The following CAMKMT variants were observed in gnomAD, a reference collection of about 807,000 sequenced individuals.
CAMKMT encodes calmodulin-lysine N-methyltransferase, also known as CaM KMT.
In CAMKMT, 53 loss-of-function variants were observed where a neutral mutation model predicts 48.0. The observed-to-expected ratio is 1.10, with a 90% CI of 0.89 to 1.39. The LOEUF (loss-of-function observed/expected upper bound fraction) is 1.39, where lower values mean the gene tolerates loss of function less well. Ranked by LOEUF, CAMKMT falls within the 40% of genes most tolerant of loss-of-function variation. The pLI is 0.00. For missense variants in CAMKMT, 428 were observed against 402.7 expected, an observed-to-expected ratio of 1.06 and a Z score of -0.54; for synonymous variants, 165 against 152.3, an observed-to-expected ratio of 1.08 and a Z score of -0.61.
At chr2:44,617,704 G>A (rs1671967291) in intron 3 of CAMKMT, among the ~76,000 whole-genome samples, 1 of 152,242 alleles carries the variant, frequency 6.6e-6, no homozygotes, top group Admixed American at 6.5e-5. Context: ...CCTGATTTAT[G>A]TGAGTGAGGA....
At chr2:44,373,242 T>A (rs1253925005) in intron 2 of CAMKMT, among the ~76,000 whole-genome samples, 1 of 152,216 alleles carries the variant, frequency 6.6e-6, no homozygotes, top group African/African-American at 2.4e-5. Flanking sequence ...CAAACTACCC[T>A]TCAAGTAATA....
At chr2:44,401,017 T>C (rs1023624398) in intron 3 of CAMKMT, 1 of 150,586 alleles carries the variant, frequency 6.6e-6, no homozygotes, top group African/African-American at 2.4e-5. Context: ...TGTTTATTTA[T>C]AGATTGGAAC....
At chr2:44,611,277 C>A (rs1671582880) in intron 3 of CAMKMT, among the ~76,000 whole-genome samples, 1 of 151,798 alleles carries the variant, frequency 6.6e-6, no homozygotes, top group African/African-American at 2.4e-5. Flanking sequence ...ACTTAAAATA[C>A]AAAAAATTAG....
At chr2:44,390,062 C>T (rs1457019264) in intron 2 of CAMKMT, among the ~76,000 whole-genome samples, 179 bp from the exon 3 acceptor site, 1 of 152,082 alleles carries the variant, frequency 6.6e-6, no homozygotes, top group East Asian at 1.9e-4. Flanking sequence ...ATTCTGAGGA[C>T]CATACTGTTA....
At chr2:44,397,131 G>A (rs1681929535) in intron 3 of CAMKMT, among the ~76,000 whole-genome samples, 1 of 151,844 alleles carries the variant, frequency 6.6e-6, no homozygotes, top group African/African-American at 2.4e-5. Flanking sequence ...GGAGCTCACA[G>A]CATGTTAGAT....
At chr2:44,763,460 C>G (rs1360588771) in intron 9 of CAMKMT, among the ~76,000 whole-genome samples, 1 of 152,202 alleles carries the variant, frequency 6.6e-6, no homozygotes, top group African/African-American at 2.4e-5. Flanking sequence ...ATTGTCTCAT[C>G]AAATATTGAC....
intron 3 of CAMKMT, among the ~76,000 whole-genome samples, chr2:44,686,489 G>T (rs1026084211): frequency 6.6e-6 from 1 of 151,994 alleles, no homozygotes; most frequent in Admixed American, 6.6e-5. Context: ...TTAATTTCGA[G>T]AAGTATAAGA....
At chr2:44,509,036 C>A (rs1322068781) in intron 3 of CAMKMT, among the ~76,000 whole-genome samples, 1 of 150,082 alleles carries the variant, frequency 6.7e-6, no homozygotes, top group African/African-American at 2.5e-5. Context: ...GTGGAGGTTG[C>A]AGTGAGCCGA....
intron 3 of CAMKMT, among the ~76,000 whole-genome samples, chr2:44,650,421 T>C (rs183535962): frequency 6.6e-6 from 1 of 152,306 alleles, no homozygotes; most frequent in East Asian, 1.9e-4. Flanking sequence ...AGGTCATATT[T>C]TGAGGTATTG....
intron 3 of CAMKMT, among the ~76,000 whole-genome samples, chr2:44,515,895 A>G (rs1372578392): frequency 1.3e-5 from 2 of 152,234 alleles, no homozygotes; most frequent in African/African-American, 4.8e-5. Flanking sequence ...GCTGGGATAC[A>G]TCAAATGGGG....
At chr2:44,539,877 T>C (rs189456821) in intron 3 of CAMKMT, among the ~76,000 whole-genome samples, 215 of 152,298 alleles carry the variant, frequency 1.4e-3, no homozygotes, top group Middle Eastern at 3.4e-3. Context: ...TGATCTTGAC[T>C]GTGATCAATT....
intron 7 of CAMKMT, among the ~76,000 whole-genome samples, chr2:44,733,720 G>A (rs1005178665): frequency 1.1e-4 from 17 of 151,894 alleles, no homozygotes; most frequent in African/African-American, 4.1e-4. Flanking sequence ...TTTTTGGCTT[G>A]CTAATATAGT....
chr2:44,693,113 T>C (rs565778315), intron 3 of CAMKMT, among the ~76,000 whole-genome samples: 8 of 152,284 alleles, frequency 5.3e-5, no homozygotes, highest in African/African-American at 1.7e-4. Flanking sequence ...CTGCTAACCA[T>C]CACCCAAGCC....
intron 3 of CAMKMT, among the ~76,000 whole-genome samples, chr2:44,685,266 G>C (rs1159931597): frequency 6.6e-6 from 1 of 152,150 alleles, no homozygotes; most frequent in Non-Finnish European, 1.5e-5. Context: ...TAGAAAAAGT[G>C]GGCACTAAAA....
chr2:44,611,321 T>C lies in CAMKMT; in HGVS notation c.377-92962T>C, dbSNP rs529784655. On this transcript the variant is annotated intron_variant, in intron 3 of 10. Coordinates refer to ENST00000378494, the MANE Select transcript of CAMKMT (RefSeq NM_024766.5). Reference sequence around the variant, plus strand: ...GGTGGTACACACCTGTAATCCCAGCTACTCGGGAGGGTGAGGCAGGAGAAT... The same window carrying C: ...GGTGGTACACACCTGTAATCCCAGCCACTCGGGAGGGTGAGGCAGGAGAAT... Among the ~76,000 whole-genome samples, 107 of 151,970 alleles carry C rather than the reference T, an allele frequency of 7.0e-4. 1 individual carries two copies. In the Middle Eastern group the frequency reaches 0.01, roughly 14 times the overall value.
At chr2:44,738,619 T>G (rs1041800623) in intron 7 of CAMKMT, among the ~76,000 whole-genome samples, 1 of 152,334 alleles carries the variant, frequency 6.6e-6, no homozygotes, top group African/African-American at 2.4e-5. Context: ...TTCTAGACAT[T>G]GGAAATACAT....
chr2:44,697,621 C>T (rs1294365986), intron 3 of CAMKMT, among the ~76,000 whole-genome samples: 1 of 152,120 alleles, frequency 6.6e-6, no homozygotes, highest in Non-Finnish European at 1.5e-5. Context: ...TACTACATAG[C>T]TGTTTTATTT....
At chr2:44,637,816 C>T (rs2103990492) in intron 3 of CAMKMT, among the ~76,000 whole-genome samples, 1 of 152,028 alleles carries the variant, frequency 6.6e-6, no homozygotes, top group East Asian at 1.9e-4. Flanking sequence ...CCTGTAATCC[C>T]AACACTTTGG....
At chr2:44,467,070 G>A (rs1668155071) in intron 3 of CAMKMT, among the ~76,000 whole-genome samples, 1 of 152,118 alleles carries the variant, frequency 6.6e-6, no homozygotes, top group African/African-American at 2.4e-5. Context: ...GGGCAACATA[G>A]TGAGACCCTG....
Sources: allele counts gnomAD v4.1 joint callset (sites outside exome capture counted in the v4.1 genomes callset), GRCh38; gene constraint gnomAD v4.1.1; transcripts MANE v1.5; gene names NCBI Gene and HGNC (gene_info 2026-07-23, HGNC 2026-07-21).